The following SMURF1 variants were observed in gnomAD, a reference collection of about 807,000 sequenced individuals.
The protein encoded by SMURF1 is SMAD specific E3 ubiquitin protein ligase 1.
SMURF1 carries 44 observed loss-of-function variants against 98.0 expected under a neutral mutation model. The observed-to-expected ratio is 0.45, with a 90% CI of 0.35 to 0.58. The LOEUF (loss-of-function observed/expected upper bound fraction) is 0.58, where lower values mean the gene tolerates loss of function less well. Among genes scored for constraint, SMURF1 ranks in the 20% least tolerant of loss-of-function variants. SMURF1 has a pLI of 0.00. For missense variants in SMURF1, 687 were observed against 938.4 expected (o/e 0.73, Z 3.50); for synonymous variants, 396 against 374.9 (o/e 1.06, Z -0.65).
intron 1 of SMURF1, among the ~76,000 whole-genome samples, chr7:99,063,956 G>A (rs150957354): frequency 5.3e-5 from 8 of 152,064 alleles, no homozygotes; most frequent in East Asian, 1.9e-4. Flanking sequence ...AGGCCGAGGC[G>A]GACGGATTAC....
chr7:99,047,958 G>C lies in SMURF1; in HGVS notation c.954-76C>G, dbSNP rs1362682558. The C allele has an allele frequency of 8.1e-6, 11 of 1,355,484 alleles. No individual in the cohort carries two copies. In the East Asian group the frequency reaches 2.5e-4, roughly 31 times the overall value. 84.0% of individuals were successfully genotyped at this position (1,355,484 alleles called of 1,614,324 possible). On this transcript the variant is annotated intron_variant, in intron 9 of 17. Coordinates refer to ENST00000361368, the MANE Select transcript of SMURF1 (RefSeq NM_181349.3). ...CTGCAAGCACCCACGTACGCGACAG[G>C]GTCAGAGGAGAGAGCTAGCTGCACA...
chr7:99,067,506 G>A (rs150681191), intron 1 of SMURF1, among the ~76,000 whole-genome samples: 5 of 152,062 alleles, frequency 3.3e-5, no homozygotes, highest in Non-Finnish European at 7.4e-5. Context: ...ATCACATCCC[G>A]TAGTTTTCCT....
intron 1 of SMURF1, among the ~76,000 whole-genome samples, chr7:99,107,399 C>T (rs1797217182): frequency 6.6e-6 from 1 of 152,136 alleles, no homozygotes; most frequent in African/African-American, 2.4e-5. Context: ...AATATATACA[C>T]CTACTATGTA....
chr7:99,057,338 T>G, intron 4 of SMURF1, 68 bp from the exon 5 acceptor site: 1 of 1,613,246 alleles, frequency 6.2e-7, no homozygotes, highest in Non-Finnish European at 8.5e-7. Flanking sequence ...GAATTCAGTA[T>G]TCAGCGATCA....
chr7:99,040,284 T>TACAC lies in SMURF1; in HGVS notation c.1550+90_1550+93dup, dbSNP rs376005010. 95 of 1,251,388 alleles carry TACAC rather than the reference T, an allele frequency of 7.6e-5. 1 individual carries two copies. Among genetic ancestry groups the TACAC allele is most frequent in the Non-Finnish European group, 9.7e-5 (93 of 961,540 alleles). 77.5% of individuals were successfully genotyped at this position (1,251,388 alleles called of 1,614,324 possible). Reference sequence around the variant, plus strand: ...AATGGCTTCACACACATCCCCAAAATACACACACACGCGCGCGCGCGCGCA... The same window carrying TACAC: ...AATGGCTTCACACACATCCCCAAAATACACACACACACACGCGCGCGCGCGCGCA... On this transcript the variant is annotated intron_variant, in intron 13 of 17. Coordinates refer to ENST00000361368, the MANE Select transcript of SMURF1 (RefSeq NM_181349.3).
intron 3 of SMURF1, 140 bp downstream of exon 3, chr7:99,060,459 G>A: frequency 1.9e-6 from 1 of 519,690 alleles, no homozygotes. Context: ...ATTAGGCAAT[G>A]TAGACATTCA....
In SMURF1 at chr7:99,143,829, GC is replaced by G. The variant is rs747870274; in HGVS notation, c.-50del. 2.1e-6 allele frequency: 3 copies of G among 1,421,416 alleles called. No individual in the cohort carries two copies. In the Admixed American group the frequency reaches 8.6e-5, roughly 41 times the overall value. The allele number at this position is 1,421,416 out of a possible 1,614,324, so 88.1% of individuals were successfully genotyped here. A position where few individuals can be genotyped will look rare whatever the true frequency, so the allele number is the denominator to read the frequency against. On this transcript the variant is annotated 5_prime_UTR_variant, in exon 1 of 18. Coordinates refer to ENST00000361368, the MANE Select transcript of SMURF1 (RefSeq NM_181349.3). Reference sequence around the variant, plus strand: ...GCGGATCCAGCGCCACCGCCCCCCAGCCCGGCCCGGCCCGGCCCCGCCGCCG... The same window carrying G: ...GCGGATCCAGCGCCACCGCCCCCCAGCCGGCCCGGCCCGGCCCCGCCGCCG...
In SMURF1 at chr7:99,042,120, G is replaced by T; in HGVS notation, c.1369C>A (p.Pro457Thr). The change falls in exon 12 of 18, where the codon CCC becomes ACC. Residue 457 changes from proline (P) to threonine (T), a missense_variant and splice_region_variant. By Grantham distance (38) the Pro-to-Thr change is conservative (BLOSUM62 -1). Around this residue, in one of 2 missense-constraint regions of SMURF1, gnomAD observed 272 missense variants for 430.0 expected, o/e 0.63. Transcript: ENST00000361368. ...CCTCTTTGTTCATTCATACTTACGGGGTTGATTGAAGAATCCGGATTTATT... is the reference window on the plus strand; with the variant it reads ...CCTCTTTGTTCATTCATACTTACGGTGTTGATTGAAGAATCCGGATTTATT... Reference protein sequence around the residue: ...LQINPDSSINPDHLSYFHFVG... With the variant: ...LQINPDSSINTDHLSYFHFVG... 1 of 1,609,606 alleles carries T rather than the reference G, an allele frequency of 6.2e-7. No homozygotes were observed. Among genetic ancestry groups the T allele is most frequent in the Non-Finnish European group, 8.5e-7 (1 of 1,176,252 alleles).
At chr7:99,054,898 C>T in intron 5 of SMURF1, 33 bp from the exon 6 acceptor site, 3 of 1,597,360 alleles carry the variant, frequency 1.9e-6, no homozygotes, top group Non-Finnish European at 2.6e-6. Flanking sequence ...GTGTTAAAAC[C>T]CAGCGGGGTT....
At chr7:99,142,378 A>G (rs1218585624) in intron 1 of SMURF1, among the ~76,000 whole-genome samples, 1 of 151,900 alleles carries the variant, frequency 6.6e-6, no homozygotes, top group Non-Finnish European at 1.5e-5. Context: ...AAATTGAAGA[A>G]GCAGAGTTAA....
At chr7:99,135,782 G>C (rs1438257682) in intron 1 of SMURF1, among the ~76,000 whole-genome samples, 1 of 152,156 alleles carries the variant, frequency 6.6e-6, no homozygotes, top group Non-Finnish European at 1.5e-5. Context: ...CTAGATCAAA[G>C]AGCATAAACA....
intron 15 of SMURF1, chr7:99,036,019 C>T: frequency 9.6e-6 from 4 of 416,800 alleles, no homozygotes; most frequent in East Asian, 5.5e-5. Flanking sequence ...ATCAAAGAAC[C>T]AACCGGTGAC....
intron 1 of SMURF1, among the ~76,000 whole-genome samples, chr7:99,063,936 A>G (rs1415596117): frequency 1.3e-5 from 2 of 152,058 alleles, no homozygotes; most frequent in Non-Finnish European, 2.9e-5. Flanking sequence ...GCCACCCAGC[A>G]CACTTTGGGA....
At chr7:99,076,818 TGTGTGCAC>T (rs1231256376) in intron 1 of SMURF1, among the ~76,000 whole-genome samples, 1 of 149,304 alleles carries the variant, frequency 6.7e-6, no homozygotes, top group Non-Finnish European at 1.5e-5. Flanking sequence ...CAAGTGTGCA[TGTGTGCAC>T]GTGTGCCCAT....
chr7:99,047,774 C>T lies in SMURF1; in HGVS notation c.1062G>A (p.Gln354=). 1 of 1,614,230 alleles carries T rather than the reference C, an allele frequency of 6.2e-7. No individual in the cohort carries two copies. The highest frequency in any genetic ancestry group is 1.3e-5 in the African/African-American group (1 of 75,062). The change falls in exon 10 of 18, where the codon CAG becomes CAA. Residue 354 remains glutamine (Q), a synonymous_variant. Transcript: ENST00000361368. ...PAQRYERDLV[Q]KLKVLRHELS... ...GTTCGTGTCTGAGGACTTTCAGCTT[C>T]TGGACTAGATCTCTTTCGTATCTCT...
chr7:99,099,833 A>G (rs982585478), intron 1 of SMURF1, among the ~76,000 whole-genome samples: 16 of 152,186 alleles, frequency 1.1e-4, no homozygotes, highest in African/African-American at 3.9e-4. Flanking sequence ...AACATGAGTT[A>G]AAACAGTCTA....
intron 1 of SMURF1, among the ~76,000 whole-genome samples, chr7:99,143,013 A>T (rs190992847): frequency 1.4e-5 from 2 of 147,168 alleles, no homozygotes; most frequent in African/African-American, 5.1e-5. Flanking sequence ...CGATGCTAGG[A>T]AAGAAGTGAG....
intron 8 of SMURF1, chr7:99,050,696 T>C (rs529447467): frequency 5.7e-5 from 24 of 422,878 alleles, no homozygotes; most frequent in African/African-American, 2.5e-4. Context: ...GCAGGTAATA[T>C]ATTTCCAGTC....
chr7:99,045,776 A>G lies in SMURF1; in HGVS notation c.1178T>C (p.Met393Thr), dbSNP rs1795553716. The change falls in exon 11 of 18, where the codon ATG becomes ACG. Residue 393 changes from methionine (M) to threonine (T), a missense_variant. Transcript: ENST00000361368. ...CCGTTTTTTCAAGTCTTTCGGTCGC[A>G]TCTTCATTATCTGGCGGTAAGACTC... ...FEESYRQIMK[M>T]RPKDLKKRLM... is the part of the protein sequence containing the mutation. 2 of 1,614,012 alleles carry G rather than the reference A, an allele frequency of 1.2e-6. No individual in the cohort carries two copies. The highest frequency in any genetic ancestry group is 1.1e-5 in the South Asian group (1 of 91,084).
Sources: gnomAD v4.1 joint callset for allele counts (sites outside exome capture counted in the v4.1 genomes callset) on GRCh38, gnomAD v4.1.1 for gene constraint, gnomAD v4.1.1 regional missense constraint, MANE v1.5 for transcripts, NCBI Gene and HGNC (gene_info 2026-07-23, HGNC 2026-07-21) for gene names.